Variants in GABRB2 observed in about 807,000 individuals in gnomAD.
GABRB2 encodes gamma-aminobutyric acid receptor subunit beta-2.
In GABRB2, 16 loss-of-function variants were observed where a neutral mutation model predicts 54.7. The observed-to-expected ratio is 0.29, with a 90% confidence interval of 0.20 to 0.44. The LOEUF (loss-of-function observed/expected upper bound fraction) is 0.44. Among genes scored for constraint, GABRB2 ranks in the 20% least tolerant of loss-of-function variants. GABRB2 has a pLI of 1.00. For synonymous variants in GABRB2, 244 were observed against 233.8 expected (o/e 1.04, Z -0.40); for missense variants, 355 against 644.0 (o/e 0.55, Z 4.86).
chr5:161,455,438 T>C (rs181731967), intron 4 of GABRB2, among the ~76,000 whole-genome samples: 1 of 152,074 alleles, frequency 6.6e-6, no homozygotes, highest in Non-Finnish European at 1.5e-5. Flanking sequence ...TATCATCCCA[T>C]GGCTGCAGAC....
At chr5:161,467,741 T>C (rs1441710101) in intron 3 of GABRB2, among the ~76,000 whole-genome samples, 1 of 152,068 alleles carries the variant, frequency 6.6e-6, no homozygotes, top group African/African-American at 2.4e-5. Context: ...ACATCTGATG[T>C]GTAAATTATT....
intron 4 of GABRB2, among the ~76,000 whole-genome samples, chr5:161,449,727 T>C (rs978141265): frequency 1.3e-5 from 2 of 151,984 alleles, no homozygotes; most frequent in Non-Finnish European, 2.9e-5. Context: ...TATACAAACA[T>C]ATCTACAGAC....
At position 161,363,337 on chromosome 5, in the gene GABRB2, A is replaced by C. The variant is rs752720575; in HGVS notation, c.542-26568T>G. ...AATGGGAGTTGAACAATGAGGACAC[A>C]TGGAGATAGGGAGGGGAACATCACA... On this transcript the variant is annotated intron_variant, in intron 5 of 9. Coordinates refer to ENST00000393959, the MANE Select transcript of GABRB2 (RefSeq NM_001371727.1). Among the ~76,000 whole-genome samples, 3 of 152,134 alleles carry C rather than the reference A, an allele frequency of 2.0e-5. No homozygotes were observed. In the East Asian group the frequency reaches 5.8e-4, roughly 29 times the overall value.
chr5:161,435,339 A>C (rs1757278174), intron 4 of GABRB2, among the ~76,000 whole-genome samples: 1 of 152,186 alleles, frequency 6.6e-6, no homozygotes, highest in Non-Finnish European at 1.5e-5. Context: ...ACTGCACAAA[A>C]AGGAATAAAT....
chr5:161,481,695 T>G (rs1322470626), intron 3 of GABRB2, among the ~76,000 whole-genome samples: 1 of 151,992 alleles, frequency 6.6e-6, no homozygotes, highest in East Asian at 1.9e-4. Flanking sequence ...TTCAAGAAAA[T>G]TTAATATTAA....
At chr5:161,546,248 G>T in intron 2 of GABRB2, 74 bp downstream of exon 2, 2 of 1,195,122 alleles carry the variant, frequency 1.7e-6, no homozygotes, top group Non-Finnish European at 2.5e-6. Context: ...CTAGGGAGAG[G>T]GAAGAGAGCG....
At chr5:161,498,069 C>T (rs1581035443) in intron 3 of GABRB2, among the ~76,000 whole-genome samples, 1 of 151,938 alleles carries the variant, frequency 6.6e-6, no homozygotes, top group Admixed American at 6.6e-5. Flanking sequence ...TGTTGAAAAG[C>T]TAACACATAA....
chr5:161,527,776 T>C (rs777510581), intron 3 of GABRB2, among the ~76,000 whole-genome samples: 1 of 151,576 alleles, frequency 6.6e-6, no homozygotes, highest in Admixed American at 6.6e-5. Context: ...AAATTAACTA[T>C]TTTACAGATT....
chr5:161,513,625 ATAG>A (rs1759845752), intron 3 of GABRB2, among the ~76,000 whole-genome samples: 2 of 151,970 alleles, frequency 1.3e-5, no homozygotes, highest in African/African-American at 4.8e-5. Context: ...TCTGGGGCTA[ATAG>A]TAGGGGAGGG....
In GABRB2 at chr5:161,480,321, T is replaced by C. The variant is rs576842226; in HGVS notation, c.238-20477A>G. Among the ~76,000 whole-genome samples, 8 of 152,144 alleles carry C rather than the reference T, an allele frequency of 5.3e-5. 1 individual carries two copies. The South Asian group carries it at 1.7e-3, about 32-fold the overall frequency. On this transcript the variant is annotated intron_variant, in intron 3 of 9. Transcript: ENST00000393959. ...GGGGTTTGATTACAGAAGCTGGTAA[T>C]ATATATGTAGATAATAATAATAGAG...
At chr5:161,536,198 A>C (rs1414701137) in intron 3 of GABRB2, among the ~76,000 whole-genome samples, 4 of 152,136 alleles carry the variant, frequency 2.6e-5, no homozygotes, top group Non-Finnish European at 5.9e-5. Flanking sequence ...TTATTTCCTT[A>C]TATTCATGTT....
intron 9 of GABRB2, among the ~76,000 whole-genome samples, chr5:161,310,164 G>A (rs1757819282): frequency 6.6e-6 from 1 of 152,126 alleles, no homozygotes; most frequent in South Asian, 2.1e-4. Flanking sequence ...GCCTTCTAGA[G>A]GATGGAGGGT....
intron 5 of GABRB2, among the ~76,000 whole-genome samples, chr5:161,341,964 TATATAC>T (rs370772903): frequency 0.21 from 9,686 of 46,670 alleles, 479 homozygotes; most frequent in South Asian, 0.34. Flanking sequence ...TATATATATA[TATATAC>T]ATACTTTATT....
intron 5 of GABRB2, among the ~76,000 whole-genome samples, chr5:161,386,824 CAAAAAA>C (rs55916255): frequency 2.2e-5 from 3 of 137,056 alleles, no homozygotes; most frequent in African/African-American, 8.1e-5. Flanking sequence ...TGTGCCCAGC[CAAAAAA>C]AAAAAAAAAT....
intron 3 of GABRB2, among the ~76,000 whole-genome samples, chr5:161,515,019 C>T (rs1581049842): frequency 6.6e-6 from 1 of 152,096 alleles, no homozygotes; most frequent in Admixed American, 6.6e-5. Flanking sequence ...GTCAATGCTG[C>T]CATGCATAAT....
chr5:161,502,148 T>G (rs1759464146), intron 3 of GABRB2, among the ~76,000 whole-genome samples: 1 of 151,666 alleles, frequency 6.6e-6, no homozygotes, highest in Admixed American at 6.6e-5. Flanking sequence ...TAGGAAAACC[T>G]AAATGTACCT....
intron 3 of GABRB2, among the ~76,000 whole-genome samples, chr5:161,508,254 A>C (rs1403848954): frequency 6.6e-6 from 1 of 150,742 alleles, no homozygotes; most frequent in Non-Finnish European, 1.5e-5. Context: ...ATTTATTAAG[A>C]GCTTATGGTG....
At chr5:161,334,470 A>G (rs954129823) in intron 7 of GABRB2, among the ~76,000 whole-genome samples, 2 of 152,242 alleles carry the variant, frequency 1.3e-5, no homozygotes, top group Admixed American at 6.5e-5. Context: ...TGCAAGCAAT[A>G]CTATATGAAA....
Position 161,292,897 on chromosome 5 carries a change from A to G in GABRB2, c.*1184T>C, listed in dbSNP as rs1298649951. The G allele has an allele frequency of 6.6e-6, 1 of 152,180 alleles. No individual in the cohort carries two copies. The highest frequency in any genetic ancestry group is 1.5e-5 in the Non-Finnish European group (1 of 68,020). The allele number at this position is 152,180 out of a possible 1,614,324, so 9.4% of individuals were successfully genotyped here. ...CCTAAGAATATAATCAGAATTTTGG[A>G]AGCAAAAAAAAAGCTGGAGAGGACC... On this transcript the variant is annotated 3_prime_UTR_variant, in exon 10 of 10. Transcript: ENST00000393959.
Sources: gnomAD v4.1 joint callset for allele counts (sites outside exome capture counted in the v4.1 genomes callset) on GRCh38, gnomAD v4.1.1 for gene constraint, MANE v1.5 for transcripts, NCBI Gene and HGNC (gene_info 2026-07-23, HGNC 2026-07-21) for gene names.